The following STIM1 variants were observed in gnomAD, a reference collection of about 807,000 sequenced individuals.
STIM1 encodes stromal interaction molecule 1.
In STIM1, 25 loss-of-function variants were observed where a neutral mutation model predicts 74.7. The observed-to-expected ratio is 0.33, with a 90% confidence interval of 0.24 to 0.47. The LOEUF is 0.47. Among genes scored for constraint, STIM1 ranks in the 20% least tolerant of loss-of-function variants. The pLI is 1.00. For synonymous variants in STIM1, 328 were observed against 348.8 expected, an observed-to-expected ratio of 0.94 and a Z score of 0.66; for missense variants, 728 against 920.8, an observed-to-expected ratio of 0.79 and a Z score of 2.71.
At chr11:3,934,615 T>C (rs888513486) in intron 1 of STIM1, among the ~76,000 whole-genome samples, 6 of 152,244 alleles carry the variant, frequency 3.9e-5, no homozygotes, top group Non-Finnish European at 7.3e-5. Context: ...AATTGTAGAA[T>C]TGAACAATTC....
chr11:4,047,136 A>G (rs533096435), intron 3 of STIM1, among the ~76,000 whole-genome samples: 2 of 152,320 alleles, frequency 1.3e-5, no homozygotes, highest in South Asian at 4.1e-4. Context: ...ACAGTGGATG[A>G]GCAAAAATGA....
intron 3 of STIM1, among the ~76,000 whole-genome samples, chr11:4,030,409 G>A (rs1243326540): frequency 6.6e-6 from 1 of 151,998 alleles, no homozygotes; most frequent in Non-Finnish European, 1.5e-5. Context: ...AGGGAGGCCA[G>A]GTGGCATCAG....
At chr11:4,007,759 C>T (rs1347296836) in intron 2 of STIM1, among the ~76,000 whole-genome samples, 1 of 152,060 alleles carries the variant, frequency 6.6e-6, no homozygotes, top group Non-Finnish European at 1.5e-5. Context: ...AAACTGTGCC[C>T]CTGAAGGGTC....
intron 1 of STIM1, among the ~76,000 whole-genome samples, chr11:3,933,714 A>G (rs1565120177): frequency 1.3e-5 from 2 of 152,162 alleles, no homozygotes; most frequent in Non-Finnish European, 2.9e-5. Context: ...CGCCGTCTAC[A>G]ATGTATTTTT....
intron 2 of STIM1, among the ~76,000 whole-genome samples, chr11:3,992,393 G>A (rs971613094): frequency 6.6e-6 from 1 of 151,922 alleles, no homozygotes; most frequent in Non-Finnish European, 1.5e-5. Flanking sequence ...TAGCCTGGGT[G>A]ACAGAGTGAG....
intron 1 of STIM1, among the ~76,000 whole-genome samples, chr11:3,919,403 C>A (rs1248294065): frequency 6.6e-6 from 1 of 152,034 alleles, no homozygotes; most frequent in Admixed American, 6.6e-5. Context: ...CGGGGTTTCA[C>A]CATCTTGGCC....
At chr11:3,875,491 C>T (rs372306205) in intron 1 of STIM1, among the ~76,000 whole-genome samples, 8 of 151,940 alleles carry the variant, frequency 5.3e-5, no homozygotes, top group Admixed American at 1.3e-4. Flanking sequence ...TTTGGGAGGC[C>T]GAGGCAGGCA....
At chr11:3,922,895 C>A (rs1244733076) in intron 1 of STIM1, among the ~76,000 whole-genome samples, 1 of 151,682 alleles carries the variant, frequency 6.6e-6, no homozygotes, top group Non-Finnish European at 1.5e-5. Context: ...GTCAGGAGAT[C>A]GAGACCATCC....
chr11:3,921,647 G>C (rs1198643319), intron 1 of STIM1, among the ~76,000 whole-genome samples: 1 of 148,356 alleles, frequency 6.7e-6, no homozygotes, highest in African/African-American at 2.4e-5. Flanking sequence ...TCCATCAAGG[G>C]GTGGAGTCTA....
intron 1 of STIM1, among the ~76,000 whole-genome samples, chr11:3,924,618 G>C (rs763596651): frequency 6.6e-6 from 1 of 152,044 alleles, no homozygotes. Context: ...TTTCAATGAA[G>C]CCTTGTAGTA....
At chr11:3,896,136 T>A (rs75273068) in intron 1 of STIM1, among the ~76,000 whole-genome samples, 2 of 151,988 alleles carry the variant, frequency 1.3e-5, no homozygotes, top group South Asian at 4.2e-4. Flanking sequence ...GATCTCCTGA[T>A]CTCGTGATCC....
chr11:3,971,642 A>C (rs1407803015), intron 2 of STIM1, among the ~76,000 whole-genome samples: 2 of 152,218 alleles, frequency 1.3e-5, no homozygotes, highest in Non-Finnish European at 2.9e-5. Context: ...AAGTACCCAC[A>C]GTTACTACAC....
At chr11:3,933,818 G>A (rs2092900868) in intron 1 of STIM1, among the ~76,000 whole-genome samples, 1 of 152,156 alleles carries the variant, frequency 6.6e-6, no homozygotes, top group Admixed American at 6.5e-5. Flanking sequence ...TCTTAATCCA[G>A]TTCCCACAGC....
At chr11:3,948,169 G>A (rs1002440246) in intron 1 of STIM1, among the ~76,000 whole-genome samples, 3 of 152,120 alleles carry the variant, frequency 2.0e-5, no homozygotes, top group Admixed American at 2.0e-4. Flanking sequence ...GTTAAAGAAG[G>A]CATCCCAGGG....
chr11:3,953,322 A>C (rs191783910), intron 1 of STIM1, among the ~76,000 whole-genome samples: 3 of 152,140 alleles, frequency 2.0e-5, no homozygotes, highest in African/African-American at 7.2e-5. Flanking sequence ...AGGATGTTCT[A>C]TTTTACCCTG....
rs553438379 is a variant in STIM1, at chr11:3,919,770, T to TA, written c.140-47776dup. Among the ~76,000 whole-genome samples, 29 of 152,242 alleles carry TA rather than the reference T, an allele frequency of 1.9e-4. No homozygotes were observed. The East Asian group carries it at 5.4e-3, about 28-fold the overall frequency. On this transcript the variant is annotated intron_variant, in intron 1 of 12. Transcript: ENST00000526596. ...GGCAGCCAACAACCATTCGATTTTTTAAAAAATTGAAGTAAAAATCACATA... is the reference window on the plus strand; with the variant it reads ...GGCAGCCAACAACCATTCGATTTTTTAAAAAAATTGAAGTAAAAATCACATA...
Position 3,875,004 on chromosome 11 carries a change from A to ACTGT in STIM1, c.139+18595_139+18596insCTGT, listed in dbSNP as rs563101096. Among the ~76,000 whole-genome samples the ACTGT allele has an allele frequency of 3.8e-3, 436 of 115,482 alleles. 4 individuals are homozygous for ACTGT. Among genetic ancestry groups the ACTGT allele is most frequent in the African/African-American group, 0.013 (411 of 31,658 alleles). The allele number at this position is 115,482 out of a possible 152,430, so 75.8% of individuals were successfully genotyped here. ...TTTCTCCTCCTCTTCCTCTTCTTTT[A>ACTGT]TTGTTTGTTTGTTTGTTTGTGTTTT... On this transcript the variant is annotated intron_variant, in intron 1 of 12. Coordinates refer to ENST00000526596, the MANE Select transcript of STIM1 (RefSeq NM_001382567.1).
At chr11:4,021,279 C>A (rs2093953328) in intron 2 of STIM1, among the ~76,000 whole-genome samples, 1 of 152,160 alleles carries the variant, frequency 6.6e-6, no homozygotes, top group Non-Finnish European at 1.5e-5. Flanking sequence ...GCATGTGCCA[C>A]CATGCCCAGC....
chr11:4,005,723 G>A (rs2093772894), intron 2 of STIM1, among the ~76,000 whole-genome samples: 1 of 151,816 alleles, frequency 6.6e-6, no homozygotes, highest in Admixed American at 6.6e-5. Flanking sequence ...AAAACTTAAA[G>A]TATAATAATA....
Sources: gnomAD v4.1 joint callset for allele counts (sites outside exome capture counted in the v4.1 genomes callset) on GRCh38, gnomAD v4.1.1 for gene constraint, MANE v1.5 for transcripts, NCBI Gene and HGNC (gene_info 2026-07-23, HGNC 2026-07-21) for gene names.